PCYOX1: variants seen among roughly 807,000 people sequenced by gnomAD.
The protein encoded by PCYOX1 is prenylcysteine oxidase 1, also known as prenylcysteine lyase.
Under a neutral mutation model 46.4 loss-of-function variants are expected in PCYOX1, and 46 were observed. The ratio of observed to expected loss-of-function variants is 0.99; its 90% CI spans 0.78 to 1.27. PCYOX1 has a LOEUF of 1.27. Among genes scored for constraint, PCYOX1 ranks in the 50% most tolerant of loss-of-function variants. The probability of loss-of-function intolerance (pLI) is 0.00; values close to 1 mark genes in which losing one functional copy is unlikely to be tolerated. For missense variants in PCYOX1, 658 were observed against 628.3 expected (o/e 1.05, Z -0.51); for synonymous variants, 220 against 231.8 (o/e 0.95, Z 0.46).
chr2:70,279,906 CCT>C lies in PCYOX1; in HGVS notation c.*2515_*2516del, dbSNP rs1273492675. ...ACCAGCCTGGCCAACATGGTGAAAC[CCT>C]GTCTTTACTAAAAATACAAAAATTA... On this transcript the variant is annotated 3_prime_UTR_variant, in exon 6 of 6. Coordinates refer to ENST00000433351, the MANE Select transcript of PCYOX1 (RefSeq NM_016297.4). The C allele has an allele frequency of 5.3e-5, 8 of 152,232 alleles. No individual in the cohort carries two copies. Among genetic ancestry groups the C allele is most frequent in the South Asian group, 2.1e-4 (1 of 4,820 alleles). The allele number at this position is 152,232 out of a possible 1,614,324, so 9.4% of individuals were successfully genotyped here. A position where few individuals can be genotyped will look rare whatever the true frequency, so the allele number is the denominator to read the frequency against.
At chr2:70,260,694 G>C (rs1696423497) in intron 2 of PCYOX1, among the ~76,000 whole-genome samples, 1 of 152,196 alleles carries the variant, frequency 6.6e-6, no homozygotes, top group Non-Finnish European at 1.5e-5. Context: ...CCTTTCGGCA[G>C]GGAGTATTTT....
At chr2:70,275,902 T>C (rs1011100874) in intron 5 of PCYOX1, among the ~76,000 whole-genome samples, 2 of 151,890 alleles carry the variant, frequency 1.3e-5, no homozygotes, top group Non-Finnish European at 2.9e-5. Flanking sequence ...AGATCAAGAC[T>C]AGCCTGGCCA....
In PCYOX1 at chr2:70,275,318, T is replaced by C. The variant is rs1696655126; in HGVS notation, c.706+148T>C. Reference sequence around the variant, plus strand: ...GTTAGCAAAATTGTGCGTATGTAGATGTGCATTTTTAGGGGGAGAGGGTCT... The same window carrying C: ...GTTAGCAAAATTGTGCGTATGTAGACGTGCATTTTTAGGGGGAGAGGGTCT... On this transcript the variant is annotated intron_variant, in intron 4 of 5. Transcript: ENST00000433351. The C allele has an allele frequency of 1.8e-5, 15 of 835,336 alleles. No individual in the cohort carries two copies. The South Asian group carries it at 2.4e-4, about 14-fold the overall frequency. The allele number at this position is 835,336 out of a possible 1,614,324, so 51.7% of individuals were successfully genotyped here. A position where few individuals can be genotyped will look rare whatever the true frequency, so the allele number is the denominator to read the frequency against.
chr2:70,270,888 C>T (rs75287009), intron 3 of PCYOX1, among the ~76,000 whole-genome samples: 9,481 of 152,048 alleles, frequency 0.062, 370 homozygotes, highest in East Asian at 0.18. Context: ...CCACTACGCC[C>T]GGCTAATTTT....
chr2:70,264,658 A>C (rs1415656532), intron 3 of PCYOX1, among the ~76,000 whole-genome samples: 1 of 151,878 alleles, frequency 6.6e-6, no homozygotes, highest in Non-Finnish European at 1.5e-5. Context: ...AATTCAAGGT[A>C]TTACAGAACT....
At chr2:70,267,777 TGGAGAG>T (rs1295960313) in intron 3 of PCYOX1, among the ~76,000 whole-genome samples, 17 of 99,794 alleles carry the variant, frequency 1.7e-4, no homozygotes, top group Non-Finnish European at 3.0e-4. Flanking sequence ...AGGGAGACCG[TGGAGAG>T]GGAGAGGGGG....
intron 1 of PCYOX1, among the ~76,000 whole-genome samples, chr2:70,259,119 C>A (rs1198950564): frequency 6.6e-6 from 1 of 152,038 alleles, no homozygotes; most frequent in African/African-American, 2.4e-5. Flanking sequence ...AATCTTTGGG[C>A]ATCTGGAAAA....
At chr2:70,269,947 G>A (rs1190314241) in intron 3 of PCYOX1, among the ~76,000 whole-genome samples, 1 of 152,096 alleles carries the variant, frequency 6.6e-6, no homozygotes, top group Non-Finnish European at 1.5e-5. Context: ...CATTGCAGTT[G>A]GAAGGGTGCT....
At chr2:70,271,670 C>T (rs1196264266) in intron 3 of PCYOX1, among the ~76,000 whole-genome samples, 1 of 151,974 alleles carries the variant, frequency 6.6e-6, no homozygotes, top group Non-Finnish European at 1.5e-5. Context: ...CACCTTCTCT[C>T]AAGTAAAATC....
upstream of PCYOX1, chr2:70,257,976 G>A: frequency 2.2e-6 from 1 of 457,726 alleles, no homozygotes; most frequent in East Asian, 3.9e-5. Context: ...GGCACTGAGT[G>A]GCCCAGAGTG....
At position 70,278,982 on chromosome 2, in the gene PCYOX1, C is replaced by T. The variant is rs964147412; in HGVS notation, c.*1590C>T. ...GCATGGTAATGCGCGCCTGTGGTCCCAGCTGCTCGGGAGGCTGAGGTGGGA... is the reference window on the plus strand; with the variant it reads ...GCATGGTAATGCGCGCCTGTGGTCCTAGCTGCTCGGGAGGCTGAGGTGGGA... On this transcript the variant is annotated 3_prime_UTR_variant, in exon 6 of 6. Transcript: ENST00000433351. The T allele has an allele frequency of 1.3e-5, 2 of 152,036 alleles. No homozygotes were observed. Among genetic ancestry groups the T allele is most frequent in the African/African-American group, 4.8e-5 (2 of 41,400 alleles). 9.4% of individuals were successfully genotyped at this position (152,036 alleles called of 1,614,324 possible).
At position 70,259,464 on chromosome 2, in the gene PCYOX1, G is replaced by A. The variant is rs1696402390; in HGVS notation, c.217G>A (p.Gly73Ser). Residue 73 changes from glycine (G) to serine (S), a missense_variant, in exon 2 of 6, where the codon GGC becomes AGC. By Grantham distance (56) the Gly-to-Ser change is moderately conservative (BLOSUM62 0). Transcript: ENST00000433351. ...IDLFEREEVG[G>S]RLATMMVQGQ... is the part of the protein sequence containing the mutation. ...CCTGTTTGAAAGAGAAGAGGTCGGG[G>A]GCCGCCTGGCTACCATGATGGTGCA... 1 of 1,614,052 alleles carries A rather than the reference G, an allele frequency of 6.2e-7. No homozygotes were observed.
chr2:70,258,106 C>G, upstream of PCYOX1: 1 of 1,381,484 alleles, frequency 7.2e-7, no homozygotes, highest in South Asian at 1.2e-5. Flanking sequence ...AGCGCGCAGC[C>G]GCGCAGCGGT....
intron 2 of PCYOX1, 47 bp downstream of exon 2, chr2:70,259,613 C>T: frequency 7.4e-7 from 1 of 1,353,828 alleles, no homozygotes; most frequent in Non-Finnish European, 1.1e-6. Context: ...GTGTGACATC[C>T]CCGGATATTT....
intron 3 of PCYOX1, among the ~76,000 whole-genome samples, chr2:70,270,148 C>T (rs1023160534): frequency 2.0e-5 from 3 of 152,066 alleles, no homozygotes; most frequent in Non-Finnish European, 4.4e-5. Context: ...GCGTGTGCCA[C>T]CACACCTGGC....
chr2:70,273,547 T>C (rs1311455528), intron 3 of PCYOX1, among the ~76,000 whole-genome samples: 2 of 152,234 alleles, frequency 1.3e-5, no homozygotes, highest in Admixed American at 6.5e-5. Flanking sequence ...TGATCAGTGA[T>C]AGGGATCTTT....
chr2:70,265,813 A>G (rs950681643), intron 3 of PCYOX1, among the ~76,000 whole-genome samples: 1 of 152,138 alleles, frequency 6.6e-6, no homozygotes, highest in African/African-American at 2.4e-5. Context: ...TCTTGATCTG[A>G]GACTGATAGA....
At chr2:70,261,442 C>A in intron 3 of PCYOX1, 56 bp downstream of exon 3, 1 of 1,156,330 alleles carries the variant, frequency 8.6e-7, no homozygotes, top group Non-Finnish European at 1.3e-6. Flanking sequence ...TTAAATTAAA[C>A]TTGATGAACT....
chr2:70,263,458 A>G (rs1405233998), intron 3 of PCYOX1, among the ~76,000 whole-genome samples: 2 of 152,138 alleles, frequency 1.3e-5, no homozygotes, highest in South Asian at 2.1e-4. Flanking sequence ...TGTTGAGAGT[A>G]TAGGACCTAC....
Sources: allele counts gnomAD v4.1 joint callset (sites outside exome capture counted in the v4.1 genomes callset), GRCh38; gene constraint gnomAD v4.1.1; transcripts MANE v1.5; gene names NCBI Gene and HGNC (gene_info 2026-07-23, HGNC 2026-07-21).